The following RFC5 variants were observed in gnomAD, a reference collection of about 807,000 sequenced individuals.
RFC5 encodes the protein replication factor C subunit 5.
In RFC5, 26 loss-of-function variants were observed where a neutral mutation model predicts 44.3. The ratio of observed to expected loss-of-function variants is 0.59; its 90% confidence interval spans 0.43 to 0.81. The LOEUF (loss-of-function observed/expected upper bound fraction) is 0.81. Among genes scored for constraint, RFC5 ranks in the 40% least tolerant of loss-of-function variants. The probability of loss-of-function intolerance (pLI) is 0.00; values close to 1 mark genes in which losing one functional copy is unlikely to be tolerated. For missense variants in RFC5, 328 were observed against 418.6 expected (o/e 0.78, Z 1.89); for synonymous variants, 155 against 155.2 (o/e 1.00, Z 0.01).
chr12:118,026,762 C>G, intron 7 of RFC5, 127 bp from the exon 8 acceptor site: 2 of 975,182 alleles, frequency 2.1e-6, no homozygotes, highest in Non-Finnish European at 3.1e-6. Flanking sequence ...GTTCCCACTG[C>G]CTTGTGCCCA....
At chr12:118,017,983 C>G (rs1437514541) in intron 1 of RFC5, 3 of 698,838 alleles carry the variant, frequency 4.3e-6, no homozygotes, top group South Asian at 3.0e-5. Context: ...CCCCATTCTC[C>G]CCTTCCTCTA....
chr12:118,019,003 A>G lies in RFC5; in HGVS notation c.66-69A>G. On this transcript the variant is annotated intron_variant, in intron 1 of 10. Coordinates refer to ENST00000454402, the MANE Select transcript of RFC5 (RefSeq NM_007370.7). The surrounding 1 kb of genome is among the most constrained non-coding windows in gnomAD (Gnocchi z 4.2). The stretch of plus-strand genomic sequence containing the variant: ...CATGAGCCACTGTGCCTGACCTGCA[A>G]GGATTCTTTTGCACATAAAATATTC... The G allele has an allele frequency of 4.1e-6, 5 of 1,223,430 alleles. No homozygotes were observed. In the South Asian group the frequency reaches 6.0e-5, roughly 15 times the overall value. The allele number at this position is 1,223,430 out of a possible 1,614,324, so 75.8% of individuals were successfully genotyped here.
chr12:118,040,542 C>G, the RFC5 span, among the ~76,000 whole-genome samples: 1 of 152,000 alleles, frequency 6.6e-6, no homozygotes, highest in African/African-American at 2.4e-5. Flanking sequence ...GGGCAGATCC[C>G]TTCAGGTCAG....
downstream of RFC5, chr12:118,036,496 G>A (rs1332243389): frequency 6.2e-7 from 1 of 1,613,042 alleles, no homozygotes; most frequent in East Asian, 2.2e-5. Flanking sequence ...AGGACCTCAT[G>A]CTCCATAGAA....
Position 118,027,958 on chromosome 12 carries a change from A to G in RFC5, c.799A>G (p.Thr267Ala). ...TGCCTTAACTGCTCCTCTAGATATTACAGAGTTGAAAACTCTGAAGGGGTT... is the reference window on the plus strand; with the variant it reads ...TGCCTTAACTGCTCCTCTAGATATTGCAGAGTTGAAAACTCTGAAGGGGTT... ...QDFTTAYRNI[T>A]ELKTLKGLAL... Residue 267 changes from threonine (T) to alanine (A), a missense_variant, in exon 9 of 11, where the codon ACA becomes GCA. By Grantham distance (58) the Thr-to-Ala change is moderately conservative. Coordinates refer to ENST00000454402, the MANE Select transcript of RFC5 (RefSeq NM_007370.7). 1 of 1,597,606 alleles carries G rather than the reference A, an allele frequency of 6.3e-7. No homozygotes were observed. The highest frequency in any genetic ancestry group is 8.6e-7 in the Non-Finnish European group (1 of 1,165,320).
intron 5 of RFC5, among the ~76,000 whole-genome samples, chr12:118,023,738 A>G (rs1465061854): frequency 6.6e-6 from 1 of 150,922 alleles, no homozygotes. Flanking sequence ...AGTCTGCAAA[A>G]AGCCGCCCTC....
Position 118,016,853 on chromosome 12 carries a change from A to C in RFC5, c.26A>C (p.Gln9Pro), listed in dbSNP as rs368901773. 1 of 1,613,594 alleles carries C rather than the reference A, an allele frequency of 6.2e-7. No individual in the cohort carries two copies. Residue 9 changes from glutamine to proline, a missense_variant, in exon 1 of 11, where the codon CAG (glutamine) becomes CCG (proline). By Grantham distance (76) the Gln-to-Pro change is moderately conservative. Coordinates refer to ENST00000454402, the MANE Select transcript of RFC5 (RefSeq NM_007370.7). METSALKQ[Q>P]EQPAATKIRN... Reference sequence around the variant, plus strand: ...ATGGAGACCTCAGCACTCAAGCAGCAGGAGCAGCCCGCGGCGACCAAGATC... The same window carrying C: ...ATGGAGACCTCAGCACTCAAGCAGCCGGAGCAGCCCGCGGCGACCAAGATC...
intron 4 of RFC5, among the ~76,000 whole-genome samples, chr12:118,021,640 TAA>T (rs563284021): frequency 2.2e-4 from 29 of 133,406 alleles, no homozygotes; most frequent in Admixed American, 2.3e-4. Flanking sequence ...GGATGGTGGC[TAA>T]AAAAAAAAAA....
rs192661889 is a variant in RFC5 at position 118,027,236 on chromosome 12, G to C, written c.793+218G>C. 1.6e-4 allele frequency: 85 copies of C among 526,950 alleles called. No homozygotes were observed. In the East Asian group the frequency reaches 2.4e-3, roughly 15 times the overall value. The allele number at this position is 526,950 out of a possible 1,614,324, so 32.6% of individuals were successfully genotyped here. ...GGCTCTGACCTTCAAGTCAGGGTAA[G>C]GCTTGAAGCAGCTTCACTCACAGAT... is the stretch of plus-strand genomic sequence containing the variant. On this transcript the variant is annotated intron_variant, in intron 8 of 10. Coordinates refer to ENST00000454402, the MANE Select transcript of RFC5 (RefSeq NM_007370.7).
At chr12:118,036,305 AC>A (rs1348925676), downstream of RFC5, 1 of 1,599,100 alleles carries the variant, frequency 6.3e-7, no homozygotes, top group South Asian at 1.1e-5. Context: ...CAGTCCCCCC[AC>A]AAAAAAGTCA....
At chr12:118,034,190 T>C (rs751905390), downstream of RFC5, 11 of 1,614,084 alleles carry the variant, frequency 6.8e-6, no homozygotes, top group Non-Finnish European at 2.5e-6. Flanking sequence ...CAAGATGTGG[T>C]GTTGCTTAAA....
chr12:118,025,682 G>A, intron 6 of RFC5, 65 bp from the exon 7 acceptor site: 1 of 897,230 alleles, frequency 1.1e-6, no homozygotes. Flanking sequence ...AGGCCATCTT[G>A]TTCCTTTGGT....
At chr12:118,036,611 G>T (rs1593462465), downstream of RFC5, 1 of 1,273,646 alleles carries the variant, frequency 7.9e-7, no homozygotes, top group Non-Finnish European at 1.1e-6. Flanking sequence ...AGGCCCTGCA[G>T]CCAGGGCTGA....
At chr12:118,025,298 G>A (rs1286564768) in intron 6 of RFC5, 2 of 375,548 alleles carry the variant, frequency 5.3e-6, no homozygotes, top group East Asian at 5.0e-5. Flanking sequence ...GCAGGCTGCT[G>A]AGTCCCTTCT....
At chr12:118,028,209 T>G (rs1032661185) in intron 9 of RFC5, among the ~76,000 whole-genome samples, 179 bp downstream of exon 9, 1 of 152,130 alleles carries the variant, frequency 6.6e-6, no homozygotes, top group Non-Finnish European at 1.5e-5. Context: ...CAGAGCTGGG[T>G]ACGGTGGCTC....
Position 118,023,286 on chromosome 12 carries a change from T to C in RFC5, c.421+927T>C, listed in dbSNP as rs577969096. Among the ~76,000 whole-genome samples the C allele has an allele frequency of 3.6e-3, 541 of 151,562 alleles. 2 individuals are homozygous for C. The highest frequency in any genetic ancestry group is 4.3e-3 in the Non-Finnish European group (291 of 67,942). On this transcript the variant is annotated intron_variant, in intron 5 of 10. Coordinates refer to ENST00000454402, the MANE Select transcript of RFC5 (RefSeq NM_007370.7). The stretch of plus-strand genomic sequence containing the variant: ...CAGTTCTTTTCTCTTAAAGGACACT[T>C]GTCATCTCTCATTAAGATTCCAAGT...
intron 10 of RFC5, among the ~76,000 whole-genome samples, chr12:118,030,232 C>G (rs5745884): frequency 1.3e-5 from 2 of 152,192 alleles, no homozygotes; most frequent in Non-Finnish European, 2.9e-5. Flanking sequence ...TCCGTAAACA[C>G]TGTTATTAGC....
At chr12:118,041,391 G>A in the RFC5 span, among the ~76,000 whole-genome samples, 7 of 152,154 alleles carry the variant, frequency 4.6e-5, no homozygotes, top group African/African-American at 1.2e-4. Context: ...CTAGCACTTC[G>A]CTCACGGACT....
chr12:118,034,764 G>A (rs2031467121), downstream of RFC5: 1 of 562,020 alleles, frequency 1.8e-6, no homozygotes, highest in East Asian at 3.0e-5. Flanking sequence ...TGGCCCATTA[G>A]GTGGCATGAC....
Sources: gnomAD v4.1 joint callset for allele counts (sites outside exome capture counted in the v4.1 genomes callset) on GRCh38, gnomAD v4.1.1 for gene constraint, Gnocchi (gnomAD v3.1) non-coding constraint, MANE v1.5 for transcripts, NCBI Gene and HGNC (gene_info 2026-07-23, HGNC 2026-07-21) for gene names.